The following GRID2 variants were observed in gnomAD, a reference collection of about 807,000 sequenced individuals.
The protein encoded by GRID2 is glutamate receptor ionotropic, delta-2.
Under a neutral mutation model 114.8 loss-of-function variants are expected in GRID2, and 33 were observed. That is an observed-to-expected ratio of 0.29 (90% CI 0.22 to 0.38). GRID2 has a LOEUF of 0.38. Among genes scored for constraint, GRID2 ranks in the 10% least tolerant of loss-of-function variants. The pLI is 1.00. For synonymous variants in GRID2, 505 were observed against 449.9 expected (o/e 1.12, Z -1.55); for missense variants, 1,184 against 1,257.7 (o/e 0.94, Z 0.89).
At chr4:93,439,007 T>C (rs965303073) in intron 10 of GRID2, among the ~76,000 whole-genome samples, 1 of 152,148 alleles carries the variant, frequency 6.6e-6, no homozygotes, top group Non-Finnish European at 1.5e-5. Context: ...ACAAAGGACA[T>C]GAATTCATCA....
chr4:93,403,370 C>G (rs1766091411), intron 9 of GRID2, among the ~76,000 whole-genome samples: 1 of 152,002 alleles, frequency 6.6e-6, no homozygotes, highest in South Asian at 2.1e-4. Flanking sequence ...CATGGACCCA[C>G]TCCCCAGCAA....
chr4:92,381,373 C>T (rs780839575), intron 1 of GRID2, among the ~76,000 whole-genome samples: 1 of 151,958 alleles, frequency 6.6e-6, no homozygotes, highest in African/African-American at 2.4e-5. Context: ...GTAGGCTGCT[C>T]GTGTGCTTTG....
chr4:92,655,850 CT>C (rs937964997), intron 2 of GRID2, among the ~76,000 whole-genome samples: 2 of 151,532 alleles, frequency 1.3e-5, no homozygotes, highest in African/African-American at 2.4e-5. Flanking sequence ...ATTGTGTTTT[CT>C]TTTTTCTTTT....
intron 2 of GRID2, among the ~76,000 whole-genome samples, chr4:92,679,464 T>C (rs1173741574): frequency 6.6e-6 from 1 of 152,084 alleles, no homozygotes. Context: ...ACTTTTCAGA[T>C]GTTTTTCACT....
intron 1 of GRID2, among the ~76,000 whole-genome samples, chr4:93,805,464 G>C (rs75422144): frequency 6.6e-6 from 1 of 152,180 alleles, no homozygotes; most frequent in East Asian, 1.9e-4. Context: ...ACTTAGTTCA[G>C]TCAAATTACT....
chr4:93,439,409 A>G (rs145835740), intron 10 of GRID2, among the ~76,000 whole-genome samples: 138 of 152,208 alleles, frequency 9.1e-4, no homozygotes, highest in African/African-American at 3.2e-3. Context: ...GGAAAAGCAG[A>G]TTGGAAAAGG....
In GRID2 at chr4:92,335,649, T is replaced by A. The variant is rs182358715; in HGVS notation, c.88+30905T>A. On this transcript the variant is annotated intron_variant, in intron 1 of 15. Transcript: ENST00000282020. ...ATGCAATTAAAGGAAGTCTAAAGTA[T>A]ACAATAAAAAGTTATTTGTATTTTA... Among the ~76,000 whole-genome samples the A allele has an allele frequency of 3.3e-3, 509 of 152,334 alleles. 4 individuals are homozygous for A. Among genetic ancestry groups the A allele is most frequent in the African/African-American group, 0.011 (468 of 41,556 alleles).
In GRID2 at chr4:93,485,852, ACATTCAG is replaced by A. The variant is rs1461793091; in HGVS notation, c.1859-4785_1859-4779del. Among the ~76,000 whole-genome samples, 9 of 151,808 alleles carry A rather than the reference ACATTCAG, an allele frequency of 5.9e-5. 1 individual carries two copies. In the South Asian group the frequency reaches 1.5e-3, roughly 24 times the overall value. Reference sequence around the variant, plus strand: ...ACTTTTGCAACTTCATATAAACTTTACATTCAGCTTCAAGCACATTTACTTGTGCACA... The same window carrying A: ...ACTTTTGCAACTTCATATAAACTTTACTTCAAGCACATTTACTTGTGCACA... On this transcript the variant is annotated intron_variant, in intron 11 of 15. Coordinates refer to ENST00000282020, the MANE Select transcript of GRID2 (RefSeq NM_001510.4).
At chr4:93,169,706 G>A (rs539887468) in intron 4 of GRID2, among the ~76,000 whole-genome samples, 1 of 152,192 alleles carries the variant, frequency 6.6e-6, no homozygotes, top group Non-Finnish European at 1.5e-5. Flanking sequence ...AAAGCTCAAT[G>A]TGCCCACTTG....
intron 2 of GRID2, among the ~76,000 whole-genome samples, chr4:93,012,538 A>G (rs1229254263): frequency 6.6e-6 from 1 of 152,102 alleles, no homozygotes; most frequent in African/African-American, 2.4e-5. Flanking sequence ...TTGCCACATC[A>G]TGATGGATGA....
chr4:93,332,795 A>G (rs1302103444), intron 8 of GRID2, among the ~76,000 whole-genome samples: 9 of 152,046 alleles, frequency 5.9e-5, no homozygotes, highest in African/African-American at 2.2e-4. Flanking sequence ...TCTTGGACCT[A>G]GGGGCTAAAA....
chr4:92,401,565 C>T (rs1420563969), intron 1 of GRID2, among the ~76,000 whole-genome samples: 3 of 152,058 alleles, frequency 2.0e-5, no homozygotes, highest in Non-Finnish European at 4.4e-5. Flanking sequence ...TTTTCTGTTT[C>T]CCACTGCATA....
chr4:92,842,490 T>G (rs533749050), intron 2 of GRID2, among the ~76,000 whole-genome samples: 1 of 152,294 alleles, frequency 6.6e-6, no homozygotes, highest in East Asian at 1.9e-4. Flanking sequence ...GTTTATATTT[T>G]GTGTTATTCT....
intron 13 of GRID2, among the ~76,000 whole-genome samples, chr4:93,549,256 A>C (rs2149539808): frequency 6.6e-6 from 1 of 152,268 alleles, no homozygotes; most frequent in South Asian, 2.1e-4. Flanking sequence ...GGAGAGTAAA[A>C]GTTGTGCTTG....
intron 8 of GRID2, among the ~76,000 whole-genome samples, chr4:93,280,935 C>G (rs73837756): frequency 8.9e-4 from 135 of 151,922 alleles, no homozygotes; most frequent in African/African-American, 3.1e-3. Flanking sequence ...ACAGAATGTA[C>G]AGAATACACA....
At chr4:93,296,548 G>A (rs1254879173) in intron 8 of GRID2, among the ~76,000 whole-genome samples, 1 of 152,096 alleles carries the variant, frequency 6.6e-6, no homozygotes, top group Non-Finnish European at 1.5e-5. Context: ...GGTGGGAACT[G>A]TATCTCCCAG....
intron 8 of GRID2, among the ~76,000 whole-genome samples, chr4:93,367,564 A>G (rs1205435864): frequency 1.3e-5 from 2 of 152,220 alleles, no homozygotes; most frequent in Non-Finnish European, 2.9e-5. Context: ...ATATACGAAT[A>G]GGTTAATACA....
intron 13 of GRID2, among the ~76,000 whole-genome samples, chr4:93,533,515 A>C (rs888407471): frequency 6.7e-6 from 1 of 148,258 alleles, no homozygotes; most frequent in Non-Finnish European, 1.5e-5. Flanking sequence ...CTGGGACTAC[A>C]GGAGCATGCC....
At chr4:93,310,738 G>A (rs982107746) in intron 8 of GRID2, among the ~76,000 whole-genome samples, 1 of 152,076 alleles carries the variant, frequency 6.6e-6, no homozygotes, top group Non-Finnish European at 1.5e-5. Context: ...TCTCAAAAAG[G>A]GAAAGTCAGA....
Sources: allele counts gnomAD v4.1 joint callset (sites outside exome capture counted in the v4.1 genomes callset), GRCh38; gene constraint gnomAD v4.1.1; transcripts MANE v1.5; gene names NCBI Gene and HGNC (gene_info 2026-07-23, HGNC 2026-07-21).